The following MIS18A variants were observed in gnomAD, a reference collection of about 807,000 sequenced individuals.
MIS18A encodes the protein MIS18 kinetochore protein A.
MIS18A carries 14 observed loss-of-function variants against 25.0 expected under a neutral mutation model. That is an observed-to-expected ratio of 0.56 (90% CI 0.37 to 0.88). The LOEUF (loss-of-function observed/expected upper bound fraction) is 0.88, where lower values mean the gene tolerates loss of function less well. Ranked by LOEUF, MIS18A falls within the 40% of genes least tolerant of loss-of-function variation. MIS18A has a pLI of 0.00. For missense variants in MIS18A, 292 were observed against 290.8 expected, an observed-to-expected ratio of 1.00 and a Z score of -0.03; for synonymous variants, 134 against 118.6, an observed-to-expected ratio of 1.13 and a Z score of -0.84.
At chr21:32,219,628 C>T in the MIS18A span, among the ~76,000 whole-genome samples, 98 of 152,252 alleles carry the variant, frequency 6.4e-4, no homozygotes, top group African/African-American at 2.2e-3. Flanking sequence ...CAAGACAGAA[C>T]GGTTCACTCC....
the MIS18A span, among the ~76,000 whole-genome samples, chr21:32,253,366 T>C: frequency 6.6e-6 from 1 of 152,096 alleles, no homozygotes; most frequent in African/African-American, 2.4e-5. Flanking sequence ...CTGCAAGCTT[T>C]CCATTCATGT....
the MIS18A span, among the ~76,000 whole-genome samples, chr21:32,184,059 C>G: frequency 1.3e-5 from 2 of 152,182 alleles, no homozygotes; most frequent in Non-Finnish European, 2.9e-5. Flanking sequence ...CTGTCTACAC[C>G]CATTCAGCCT....
chr21:32,204,530 T>G, the MIS18A span, among the ~76,000 whole-genome samples: 1 of 150,592 alleles, frequency 6.6e-6, no homozygotes, highest in Non-Finnish European at 1.5e-5. Context: ...AAGGAAGCAA[T>G]TATTAACTCT....
chr21:32,205,208 C>T, the MIS18A span, among the ~76,000 whole-genome samples: 1 of 149,616 alleles, frequency 6.7e-6, no homozygotes, highest in South Asian at 2.2e-4. Context: ...GAGTTCACAC[C>T]ACTCTCCTGC....
chr21:32,182,399 T>TC, the MIS18A span, among the ~76,000 whole-genome samples: 2 of 131,530 alleles, frequency 1.5e-5, no homozygotes, highest in Admixed American at 8.4e-5. Context: ...ATGAACAGCA[T>TC]CCCCCCCACA....
At chr21:32,254,189 C>CGT in the MIS18A span, among the ~76,000 whole-genome samples, 1 of 148,534 alleles carries the variant, frequency 6.7e-6, no homozygotes. Context: ...CAAGATCATG[C>CGT]CACTGCACTC....
the MIS18A span, among the ~76,000 whole-genome samples, chr21:32,237,762 A>G: frequency 6.6e-6 from 1 of 152,176 alleles, no homozygotes; most frequent in Non-Finnish European, 1.5e-5. Flanking sequence ...AGGAAAAATG[A>G]TCATTTTAAT....
intron 1 of MIS18A, chr21:32,277,776 G>C (rs1189234287): frequency 6.6e-6 from 1 of 152,142 alleles, no homozygotes; most frequent in African/African-American, 2.4e-5. Context: ...GAGGCACCGC[G>C]CTCGGCCTGG....
the MIS18A span, among the ~76,000 whole-genome samples, chr21:32,194,109 G>A: frequency 0.02 from 3,110 of 152,124 alleles, 115 homozygotes; most frequent in African/African-American, 0.069. Context: ...CTGAAATTTG[G>A]GCACCAATAT....
intron 2 of MIS18A, among the ~76,000 whole-genome samples, chr21:32,272,444 GATA>G (rs1421948034): frequency 6.6e-6 from 1 of 152,196 alleles, no homozygotes; most frequent in African/African-American, 2.4e-5. Flanking sequence ...GGGTTTAGGT[GATA>G]CAAACAGTAT....
At chr21:32,216,344 T>C in the MIS18A span, among the ~76,000 whole-genome samples, 4 of 152,180 alleles carry the variant, frequency 2.6e-5, no homozygotes, top group African/African-American at 9.7e-5. Context: ...TGGAGCCCCC[T>C]CAAAGTTCCA....
chr21:32,178,804 T>G, the MIS18A span, among the ~76,000 whole-genome samples: 1 of 152,180 alleles, frequency 6.6e-6, no homozygotes, highest in Admixed American at 6.5e-5. Context: ...TCTCCGCCAT[T>G]CTGTCTAGTC....
chr21:32,205,299 T>C, the MIS18A span, among the ~76,000 whole-genome samples: 1 of 151,686 alleles, frequency 6.6e-6, no homozygotes, highest in African/African-American at 2.4e-5. Flanking sequence ...AGAGACGGGG[T>C]TTCACCGTGT....
In MIS18A at chr21:32,278,775, C is replaced by A. The variant is rs371213136; in HGVS notation, c.240G>T (p.Pro80=). 2.2e-5 allele frequency: 34 copies of A among 1,580,056 alleles called. No homozygotes were observed. Among genetic ancestry groups the A allele is most frequent in the East Asian group, 9.1e-5 (4 of 43,880 alleles). The change falls in exon 1 of 5, where the codon CCG becomes CCT. Residue 80 remains proline (P), a synonymous_variant. Coordinates refer to ENST00000290130, the MANE Select transcript of MIS18A (RefSeq NM_018944.3). ...EEEAAAAEER[P]LVFLCSGCRR... ...GGCAGCCGGAGCACAGGAACACCAG[C>A]GGCCTCTCCTCCGCAGCCGCCGCCT...
rs202079835 is a variant in MIS18A, at chr21:32,278,794, G to A, written c.221C>T (p.Ala74Val). 1.3e-4 allele frequency: 199 copies of A among 1,585,188 alleles called. No homozygotes were observed. Among genetic ancestry groups the A allele is most frequent in the East Asian group, 2.3e-5 (1 of 43,948 alleles). ...CACCAGCGGCCTCTCCTCCGCAGCC[G>A]CCGCCTCCTCCTCCAGCTGCGCCCT... The part of the protein sequence containing the change: ...MERAQLEEEA[A>V]AAEERPLVFL... Residue 74 changes from alanine (A) to valine (V), a missense_variant, in exon 1 of 5, where the codon GCG (alanine) becomes GTG (valine). Transcript: ENST00000290130.
At chr21:32,205,059 C>T in the MIS18A span, among the ~76,000 whole-genome samples, 1 of 150,248 alleles carries the variant, frequency 6.7e-6, no homozygotes, top group Non-Finnish European at 1.5e-5. Context: ...TTGCCTACCT[C>T]AGTGACTTTA....
the MIS18A span, among the ~76,000 whole-genome samples, chr21:32,185,513 C>T: frequency 6.6e-6 from 1 of 152,132 alleles, no homozygotes; most frequent in South Asian, 2.1e-4. Context: ...ATGCATCCTC[C>T]AATATCAGAC....
intron 1 of MIS18A, among the ~76,000 whole-genome samples, chr21:32,277,691 G>C (rs1048141066): frequency 6.6e-6 from 1 of 152,122 alleles, no homozygotes; most frequent in Non-Finnish European, 1.5e-5. Flanking sequence ...TCACCATGTT[G>C]GCAAGGATGG....
chr21:32,220,454 C>G, the MIS18A span, among the ~76,000 whole-genome samples: 16 of 152,224 alleles, frequency 1.1e-4, no homozygotes, highest in East Asian at 2.9e-3. Context: ...AGGACGCCCA[C>G]GCAAAAACCC....
Sources: allele counts gnomAD v4.1 joint callset (sites outside exome capture counted in the v4.1 genomes callset), GRCh38; gene constraint gnomAD v4.1.1; transcripts MANE v1.5; gene names NCBI Gene and HGNC (gene_info 2026-07-23, HGNC 2026-07-21).